The following SGMS2 variants were observed in gnomAD, a reference collection of about 807,000 sequenced individuals.
SGMS2 encodes the protein phosphatidylcholine:ceramide cholinephosphotransferase 2.
A neutral mutation model predicts 43.8 loss-of-function variants in SGMS2; 21 were observed. The ratio of observed to expected loss-of-function variants is 0.48; its 90% CI spans 0.34 to 0.69. The LOEUF is 0.69. Among genes scored for constraint, SGMS2 ranks in the 30% least tolerant of loss-of-function variants. SGMS2 has a pLI of 0.01. For missense variants in SGMS2, 384 were observed against 443.2 expected (o/e 0.87, Z 1.20); for synonymous variants, 167 against 160.6 (o/e 1.04, Z -0.30).
chr4:107,865,561 A>G (rs766328064), intron 2 of SGMS2, among the ~76,000 whole-genome samples: 1 of 152,226 alleles, frequency 6.6e-6, no homozygotes, highest in Non-Finnish European at 1.5e-5. Flanking sequence ...GGTCAGTTAG[A>G]ATTATAAAGC....
At chr4:107,880,195 C>A (rs1227482776) in intron 2 of SGMS2, among the ~76,000 whole-genome samples, 1 of 152,072 alleles carries the variant, frequency 6.6e-6, no homozygotes, top group Non-Finnish European at 1.5e-5. Context: ...CCAAGCCATT[C>A]TCAGAAGAAA....
chr4:107,893,031 T>G (rs1326286699), intron 2 of SGMS2: 1 of 152,188 alleles, frequency 6.6e-6, no homozygotes, highest in Non-Finnish European at 1.5e-5. Context: ...AATATTAATT[T>G]TAACACTAAT....
chr4:107,867,063 C>T (rs1728184259), intron 2 of SGMS2: 1 of 152,058 alleles, frequency 6.6e-6, no homozygotes. Flanking sequence ...TTGGGTAACC[C>T]CTCTAAAATA....
intron 2 of SGMS2, among the ~76,000 whole-genome samples, chr4:107,869,711 A>G (rs1029539098): frequency 1.3e-5 from 2 of 152,152 alleles, no homozygotes; most frequent in Non-Finnish European, 2.9e-5. Context: ...ATGAAATTAC[A>G]TGGTCTCTGA....
At chr4:107,879,108 AT>A (rs373759605) in intron 2 of SGMS2, among the ~76,000 whole-genome samples, 183 of 142,260 alleles carry the variant, frequency 1.3e-3, no homozygotes, top group East Asian at 3.4e-3. Flanking sequence ...CTACCTGGCC[AT>A]TTTTTTTTTT....
At chr4:107,826,015 G>A (rs572110715) in intron 1 of SGMS2, among the ~76,000 whole-genome samples, 1 of 152,282 alleles carries the variant, frequency 6.6e-6, no homozygotes, top group Admixed American at 6.5e-5. Flanking sequence ...TTTTCAATCT[G>A]TACCTAACTT....
chr4:107,854,098 A>G (rs74947030), intron 1 of SGMS2, among the ~76,000 whole-genome samples: 1 of 152,184 alleles, frequency 6.6e-6, no homozygotes, highest in African/African-American at 2.4e-5. Flanking sequence ...TGAAGAAAAC[A>G]TTGTTAAATA....
chr4:107,911,838 C>G lies in SGMS2; in HGVS notation c.*1285C>G, dbSNP rs964310285. On this transcript the variant is annotated 3_prime_UTR_variant, in exon 7 of 7. Transcript: ENST00000690982. ...AAAAATCTGATCAGATTTAATGTTA[C>G]CAGATTTAGTGCATTATTTAATGCT... 1.3e-5 allele frequency: 2 copies of G among 150,900 alleles called. No individual in the cohort carries two copies. Among genetic ancestry groups the G allele is most frequent in the Admixed American group, 1.3e-4 (2 of 15,058 alleles). 9.3% of individuals were successfully genotyped at this position (150,900 alleles called of 1,614,324 possible). A position where few individuals can be genotyped will look rare whatever the true frequency, so the allele number is the denominator to read the frequency against.
At chr4:107,838,273 T>G (rs1471027875) in intron 1 of SGMS2, among the ~76,000 whole-genome samples, 1 of 152,100 alleles carries the variant, frequency 6.6e-6, no homozygotes. Context: ...AACACAATGT[T>G]TGTTGGGTTT....
intron 5 of SGMS2, among the ~76,000 whole-genome samples, chr4:107,906,792 G>A (rs555905416): frequency 1.3e-5 from 2 of 152,308 alleles, no homozygotes; most frequent in South Asian, 4.1e-4. Context: ...GTAAAAAGAA[G>A]ATTCAGGCCA....
At chr4:107,832,118 C>T (rs1180565891) in intron 1 of SGMS2, among the ~76,000 whole-genome samples, 4 of 152,122 alleles carry the variant, frequency 2.6e-5, no homozygotes, top group Non-Finnish European at 4.4e-5. Flanking sequence ...ATTTGTTCAG[C>T]GAGTTGTTGA....
intron 2 of SGMS2, among the ~76,000 whole-genome samples, chr4:107,863,153 T>C (rs1727858623): frequency 6.6e-6 from 1 of 152,174 alleles, no homozygotes. Flanking sequence ...CCATTGCCCT[T>C]GGGTCACATC....
At chr4:107,859,141 A>G (rs1280013446) in intron 2 of SGMS2, among the ~76,000 whole-genome samples, 3 of 152,242 alleles carry the variant, frequency 2.0e-5, no homozygotes, top group Non-Finnish European at 2.9e-5. Flanking sequence ...TATTTCAAGT[A>G]TAATTTTATT....
At chr4:107,908,288 C>G (rs2126160058) in intron 5 of SGMS2, 2 of 313,304 alleles carry the variant, frequency 6.4e-6, no homozygotes, top group East Asian at 1.1e-4. Context: ...TTCTTTCTTA[C>G]TAAACAGCTT....
intron 2 of SGMS2, among the ~76,000 whole-genome samples, chr4:107,875,883 A>C (rs1728880371): frequency 6.6e-6 from 1 of 152,042 alleles, no homozygotes; most frequent in African/African-American, 2.4e-5. Context: ...ACCCTGCTCT[A>C]CCTTGAAGAA....
chr4:107,894,876 C>T (rs1033760540), intron 2 of SGMS2, among the ~76,000 whole-genome samples: 6 of 152,074 alleles, frequency 3.9e-5, no homozygotes, highest in African/African-American at 7.2e-5. Flanking sequence ...TTATTCAATG[C>T]ATATAAGCCT....
intron 4 of SGMS2, among the ~76,000 whole-genome samples, chr4:107,900,197 C>T (rs1731003635): frequency 6.6e-6 from 1 of 152,038 alleles, no homozygotes; most frequent in South Asian, 2.1e-4. Flanking sequence ...TCAGGAAAGC[C>T]TTCTTTAATA....
At chr4:107,835,386 C>T (rs149871549) in intron 1 of SGMS2, among the ~76,000 whole-genome samples, 4 of 152,160 alleles carry the variant, frequency 2.6e-5, no homozygotes, top group South Asian at 2.1e-4. Context: ...AGTCACTTTG[C>T]GACTTTCAGA....
intron 1 of SGMS2, among the ~76,000 whole-genome samples, chr4:107,854,741 G>A (rs889665969): frequency 2.6e-5 from 4 of 152,154 alleles, no homozygotes; most frequent in Non-Finnish European, 2.9e-5. Flanking sequence ...CTGTATATTT[G>A]TATCACATTG....
Sources: gnomAD v4.1 joint callset for allele counts (sites outside exome capture counted in the v4.1 genomes callset) on GRCh38, gnomAD v4.1.1 for gene constraint, MANE v1.5 for transcripts, NCBI Gene and HGNC (gene_info 2026-07-23, HGNC 2026-07-21) for gene names.